Variants in ASIC2 observed in about 807,000 individuals in gnomAD.
ASIC2 encodes the protein acid-sensing ion channel 2.
A neutral mutation model predicts 57.3 loss-of-function variants in ASIC2; 25 were observed. The ratio of observed to expected loss-of-function variants is 0.44; its 90% CI spans 0.32 to 0.61. The LOEUF is 0.61. Among genes scored for constraint, ASIC2 ranks in the 20% least tolerant of loss-of-function variants. The pLI is 0.06. For synonymous variants in ASIC2, 319 were observed against 307.5 expected (o/e 1.04, Z -0.39); for missense variants, 641 against 738.1 (o/e 0.87, Z 1.52).
In ASIC2 at chr17:33,507,496, G is replaced by A. The variant is rs114989859; in HGVS notation, c.556-395429C>T. Among the ~76,000 whole-genome samples the A allele has an allele frequency of 5.9e-3, 892 of 152,312 alleles. 14 individuals carry two copies. Among genetic ancestry groups the A allele is most frequent in the African/African-American group, 0.02 (826 of 41,574 alleles). ...CCTCTTATGCCAAGGATCAGCAAAC[G>A]ATTTCTGTAAAAGGCCAGAGAGTAA... On this transcript the variant is annotated intron_variant, in intron 1 of 9. Transcript: ENST00000359872.
At chr17:33,815,457 C>T (rs1912548216) in intron 1 of ASIC2, among the ~76,000 whole-genome samples, 1 of 152,206 alleles carries the variant, frequency 6.6e-6, no homozygotes, top group Non-Finnish European at 1.5e-5. Flanking sequence ...CCACACTCAC[C>T]CATATTTCTT....
At chr17:33,850,598 G>C (rs547137212) in intron 1 of ASIC2, among the ~76,000 whole-genome samples, 2 of 152,290 alleles carry the variant, frequency 1.3e-5, no homozygotes, top group East Asian at 3.9e-4. Context: ...AGTTTTGCTG[G>C]GGGAGGGGAT....
chr17:33,978,492 C>G (rs1450314846), intron 1 of ASIC2, among the ~76,000 whole-genome samples: 2 of 152,236 alleles, frequency 1.3e-5, no homozygotes, highest in African/African-American at 4.8e-5. Flanking sequence ...AAGATAACCT[C>G]CAAGGTCCAG....
intron 1 of ASIC2, among the ~76,000 whole-genome samples, chr17:33,968,335 T>A (rs1018851635): frequency 6.2e-4 from 95 of 152,262 alleles, no homozygotes; most frequent in African/African-American, 2.2e-3. Context: ...GGGGGCAGAA[T>A]CTCTGCGGAG....
At chr17:33,144,353 C>T (rs540723290) in intron 1 of ASIC2, among the ~76,000 whole-genome samples, 5 of 151,364 alleles carry the variant, frequency 3.3e-5, no homozygotes, top group Non-Finnish European at 5.9e-5. Flanking sequence ...AGAGAGAGAG[C>T]GGGTGGGATA....
At chr17:33,223,309 A>G (rs1481407010) in intron 1 of ASIC2, among the ~76,000 whole-genome samples, 1 of 151,928 alleles carries the variant, frequency 6.6e-6, no homozygotes, top group Admixed American at 6.6e-5. Context: ...CAGCCTCCTG[A>G]GTAGCTGGGA....
intron 6 of ASIC2, among the ~76,000 whole-genome samples, chr17:33,023,495 A>C (rs1201838897): frequency 6.6e-6 from 1 of 151,842 alleles, no homozygotes; most frequent in East Asian, 1.9e-4. Context: ...ATCTCAAAAA[A>C]AAAAAAAAGA....
rs2091816372 is a variant in ASIC2, at chr17:33,018,097, C to T, written c.1442-413G>A. 2.0e-5 allele frequency among the ~76,000 whole-genome samples: 3 copies of T among 152,186 alleles called. No individual in the cohort carries two copies. The South Asian group carries it at 6.2e-4, about 32-fold the overall frequency. The stretch of plus-strand genomic sequence containing the variant: ...GTCTCGGGAGGAGATGCTCCCCTAA[C>T]CCAATCACGGCATGGGCTTCAGGGC... On this transcript the variant is annotated intron_variant, in intron 7 of 9. Coordinates refer to ENST00000225823, the MANE Select transcript of ASIC2 (RefSeq NM_183377.2).
intron 1 of ASIC2, among the ~76,000 whole-genome samples, chr17:33,878,146 C>A (rs868247733): frequency 1.3e-5 from 2 of 152,124 alleles, no homozygotes; most frequent in Admixed American, 1.3e-4. Context: ...GATAAAACCA[C>A]AAAGATGGGG....
intron 1 of ASIC2, among the ~76,000 whole-genome samples, chr17:33,592,511 C>T (rs1263810437): frequency 1.3e-5 from 2 of 152,260 alleles, no homozygotes; most frequent in Non-Finnish European, 2.9e-5. Context: ...ACAATACCAT[C>T]ACTGATAACA....
At chr17:33,909,942 ATGGTG>A (rs1471571131) in intron 1 of ASIC2, among the ~76,000 whole-genome samples, 1 of 152,078 alleles carries the variant, frequency 6.6e-6, no homozygotes, top group African/African-American at 2.4e-5. Context: ...CTGTTTGCTA[ATGGTG>A]TGACCCTGAG....
At chr17:33,079,131 C>T (rs1264829987) in intron 3 of ASIC2, among the ~76,000 whole-genome samples, 2 of 152,136 alleles carry the variant, frequency 1.3e-5, no homozygotes, top group African/African-American at 4.8e-5. Flanking sequence ...TCATCCAATG[C>T]AATTTATTGA....
At chr17:33,969,898 T>A (rs1315318537) in intron 1 of ASIC2, among the ~76,000 whole-genome samples, 3 of 152,070 alleles carry the variant, frequency 2.0e-5, no homozygotes, top group Non-Finnish European at 4.4e-5. Flanking sequence ...AGGCCTCCGA[T>A]ATGTAACTTT....
intron 1 of ASIC2, among the ~76,000 whole-genome samples, chr17:33,459,774 C>T (rs1028188852): frequency 4.6e-5 from 7 of 152,222 alleles, no homozygotes; most frequent in African/African-American, 1.7e-4. Flanking sequence ...GCAGCTGGCC[C>T]TCCAGTGTGG....
intron 1 of ASIC2, among the ~76,000 whole-genome samples, chr17:33,161,545 C>G (rs550848714): frequency 5.3e-5 from 8 of 152,320 alleles, no homozygotes; most frequent in African/African-American, 1.7e-4. Flanking sequence ...ATGCACTTAT[C>G]CATTCTCAAA....
At chr17:33,079,148 T>A (rs1195809234) in intron 3 of ASIC2, among the ~76,000 whole-genome samples, 1 of 152,200 alleles carries the variant, frequency 6.6e-6, no homozygotes, top group African/African-American at 2.4e-5. Context: ...TTGAACATCT[T>A]GTATATGTAA....
At chr17:33,177,188 G>A (rs1905793646) in intron 1 of ASIC2, among the ~76,000 whole-genome samples, 1 of 152,156 alleles carries the variant, frequency 6.6e-6, no homozygotes, top group South Asian at 2.1e-4. Context: ...CCTTGCAGAG[G>A]GATCCCCTGT....
At chr17:33,757,223 G>A (rs1045617717) in intron 1 of ASIC2, among the ~76,000 whole-genome samples, 1 of 152,178 alleles carries the variant, frequency 6.6e-6, no homozygotes, top group African/African-American at 2.4e-5. Context: ...TCTCTTTGCT[G>A]TCATTGTACT....
At chr17:33,182,658 G>A (rs1181806224) in intron 1 of ASIC2, among the ~76,000 whole-genome samples, 1 of 152,064 alleles carries the variant, frequency 6.6e-6, no homozygotes, top group Admixed American at 6.6e-5. Flanking sequence ...AATGGACAAG[G>A]CAACACCAAT....
Sources: gnomAD v4.1 joint callset for allele counts (sites outside exome capture counted in the v4.1 genomes callset) on GRCh38, gnomAD v4.1.1 for gene constraint, MANE v1.5 for transcripts, NCBI Gene and HGNC (gene_info 2026-07-23, HGNC 2026-07-21) for gene names.